The following NAPA variants were observed in gnomAD, a reference collection of about 807,000 sequenced individuals.
The protein encoded by NAPA is alpha-soluble NSF attachment protein.
NAPA carries 18 observed loss-of-function variants against 48.0 expected under a neutral mutation model. The observed-to-expected ratio is 0.38, with a 90% CI of 0.26 to 0.56. The LOEUF (loss-of-function observed/expected upper bound fraction) is 0.56, where lower values mean the gene tolerates loss of function less well. Ranked by LOEUF, NAPA falls within the 20% of genes least tolerant of loss-of-function variation. The pLI is 0.77. For missense variants in NAPA, 315 were observed against 385.0 expected, an observed-to-expected ratio of 0.82 and a Z score of 1.52; for synonymous variants, 152 against 149.9, an observed-to-expected ratio of 1.01 and a Z score of -0.10.
intron 3 of NAPA, among the ~76,000 whole-genome samples, chr19:47,500,198 G>C (rs983257692): frequency 6.6e-6 from 1 of 152,146 alleles, no homozygotes; most frequent in African/African-American, 2.4e-5. Context: ...GCCAGGTTGG[G>C]CTAATTTCCG....
intron 2 of NAPA, among the ~76,000 whole-genome samples, chr19:47,500,961 G>A (rs1968563566): frequency 2.0e-5 from 3 of 152,196 alleles, no homozygotes; most frequent in Admixed American, 1.3e-4. Flanking sequence ...CTGCGCTGAG[G>A]CTCCTGGTGG....
rs1407006302 is a variant in NAPA, at chr19:47,493,400, C to A, written c.420+16G>T. ...GTCCTGGCTGCCAGCCCATGCAGGG[C>A]CCTGCTGCCACTCACCTTCTCGATG... On this transcript the variant is annotated intron_variant, in intron 5 of 10. Transcript: ENST00000263354. The surrounding 1 kb of genome is among the most constrained non-coding windows in gnomAD (Gnocchi z 6.4). The A allele has an allele frequency of 6.2e-7, 1 of 1,613,394 alleles. No individual in the cohort carries two copies. Among genetic ancestry groups the A allele is most frequent in the Non-Finnish European group, 8.5e-7 (1 of 1,179,484 alleles).
chr19:47,492,925 G>A lies in NAPA; in HGVS notation c.561+36C>T, dbSNP rs373925819. ...GGAGGAGGCACAGGCCCTGAGAGGG[G>A]GCAGGGTGGAAGCCGCCATCCCCAC... On this transcript the variant is annotated intron_variant, in intron 7 of 10. Coordinates refer to ENST00000263354, the MANE Select transcript of NAPA (RefSeq NM_003827.4). 3.4e-5 allele frequency: 54 copies of A among 1,604,946 alleles called. 1 individual carries two copies. The African/African-American group carries it at 5.5e-4, about 16-fold the overall frequency.
intron 9 of NAPA, among the ~76,000 whole-genome samples, 161 bp from the exon 10 acceptor site, chr19:47,489,922 G>A (rs1968193205): frequency 6.6e-6 from 1 of 152,190 alleles, no homozygotes; most frequent in Non-Finnish European, 1.5e-5. Context: ...GGATGGGTAC[G>A]GGCGTGTTGC....
rs140602791 is a variant in NAPA at position 47,512,288 on chromosome 19, C to G, written c.98+2555G>C. On this transcript the variant is annotated intron_variant, in intron 1 of 10. Transcript: ENST00000263354. ...TCCCTGCTGCCTAGAGCACCCTCCC[C>G]GGCCCCACTCCCCAGCAAGTCCTGG... Among the ~76,000 whole-genome samples the G allele has an allele frequency of 5.7e-3, 863 of 152,208 alleles. 11 individuals carry two copies. Among genetic ancestry groups the G allele is most frequent in the African/African-American group, 0.02 (819 of 41,512 alleles).
Position 47,495,580 on chromosome 19 carries a change from C to A in NAPA, c.312G>T (p.Leu104Phe). ...KADPQEAINCLMRAIEIYTDM... is the reference protein window; with the variant it reads ...KADPQEAINCFMRAIEIYTDM... The stretch of plus-strand genomic sequence containing the variant: ...CTGTGTAGATCTCGATTGCTCGCAT[C>A]AAACAGTTAATGGCCTCTGGAGAGA... The change falls in exon 4 of 11, where the codon TTG becomes TTT. Residue 104 changes from leucine to phenylalanine, a missense_variant. Physicochemically the swap from Leu to Phe is conservative, Grantham distance 22. Transcript: ENST00000263354. 6.6e-7 allele frequency: 1 copy of A among 1,510,308 alleles called. No individual in the cohort carries two copies. 93.6% of individuals were successfully genotyped at this position (1,510,308 alleles called of 1,614,324 possible). A position where few individuals can be genotyped will look rare whatever the true frequency, so the allele number is the denominator to read the frequency against.
chr19:47,493,630 G>C lies in NAPA; in HGVS notation c.343-137C>G. 1.4e-6 allele frequency: 1 copy of C among 734,416 alleles called. No individual in the cohort carries two copies. The highest frequency in any genetic ancestry group is 2.4e-6 in the Non-Finnish European group (1 of 416,958). The allele number at this position is 734,416 out of a possible 1,614,324, so 45.5% of individuals were successfully genotyped here. A position where few individuals can be genotyped will look rare whatever the true frequency, so the allele number is the denominator to read the frequency against. On this transcript the variant is annotated intron_variant, in intron 4 of 10. Transcript: ENST00000263354. This position sits in a 1 kb window ranked among gnomAD's most constrained non-coding sequence, Gnocchi z 6.4. ...TGAAGAAGACCTGAGGTGTGAAGAA[G>C]ATCGAGAGGTGGGGGAACACAGGAG... is the stretch of plus-strand genomic sequence containing the variant.
rs1164379896 is a variant in NAPA, at chr19:47,515,052, G to C, written c.-112C>G. The C allele has an allele frequency of 2.8e-6, 3 of 1,083,524 alleles. No homozygotes were observed. In the East Asian group the frequency reaches 8.1e-5, roughly 29 times the overall value. The allele number at this position is 1,083,524 out of a possible 1,614,324, so 67.1% of individuals were successfully genotyped here. ...AAACTCGCCCGGCTGCGTTGACGTCGCACCGGCGCGCGTCGCTTGCGGCCA... is the reference window on the plus strand; with the variant it reads ...AAACTCGCCCGGCTGCGTTGACGTCCCACCGGCGCGCGTCGCTTGCGGCCA... On this transcript the variant is annotated 5_prime_UTR_variant, in exon 1 of 11. Transcript: ENST00000263354.
At chr19:47,503,607 C>T in intron 1 of NAPA, 105 bp from the exon 2 acceptor site, 1 of 1,077,484 alleles carries the variant, frequency 9.3e-7, no homozygotes, top group Admixed American at 1.9e-5. Context: ...TACCCCTCAC[C>T]CTTCACCTGT....
At position 47,493,147 on chromosome 19, in the gene NAPA, C is replaced by G; in HGVS notation, c.448G>C (p.Asp150His). 6.2e-7 allele frequency: 1 copy of G among 1,606,348 alleles called. No homozygotes were observed. Among genetic ancestry groups the G allele is most frequent in the Non-Finnish European group, 8.5e-7 (1 of 1,175,296 alleles). ...KAIAHYEQSA[D>H]YYKGEESNSS... is the part of the protein sequence containing the mutation. ...TTGGACTCCTCGCCTTTGTAGTAGT[C>G]TGCAGACTGCTCGTAGTGGGCAATG... Residue 150 changes from aspartate (D) to histidine (H), a missense_variant, in exon 6 of 11, where the codon GAC becomes CAC. Physicochemically the swap from Asp to His is moderately conservative, Grantham distance 81 (BLOSUM62 -1). Coordinates refer to ENST00000263354, the MANE Select transcript of NAPA (RefSeq NM_003827.4). The surrounding 1 kb of genome is among the most constrained non-coding windows in gnomAD (Gnocchi z 6.4).
intron 4 of NAPA, chr19:47,495,163 G>A (rs1968387555): frequency 4.0e-6 from 1 of 249,482 alleles, no homozygotes; most frequent in Non-Finnish European, 7.9e-6. Context: ...CACTACACCA[G>A]GCTAATTTGT....
At chr19:47,495,864 G>T in intron 3 of NAPA, 1 of 476,938 alleles carries the variant, frequency 2.1e-6, no homozygotes, top group Non-Finnish European at 3.8e-6. Flanking sequence ...TCCTCGGGCT[G>T]CCAGGATGCT....
chr19:47,486,450 TTG>T (rs1318237832), downstream of NAPA, among the ~76,000 whole-genome samples: 9 of 152,172 alleles, frequency 5.9e-5, no homozygotes, highest in Non-Finnish European at 2.9e-5. Context: ...ACTTTTATTT[TTG>T]CACCATCATG....
rs757703385 is a variant in NAPA, at chr19:47,514,898, C to A, written c.43G>T (p.Ala15Ser). 1 of 1,613,920 alleles carries A rather than the reference C, an allele frequency of 6.2e-7. No individual in the cohort carries two copies. The highest frequency in any genetic ancestry group is 8.5e-7 in the Non-Finnish European group (1 of 1,180,012). The stretch of plus-strand genomic sequence containing the variant: ...TTCTTCACTTTGCGCTCCGCCTCGG[C>A]CAACAGCGCCATCGCCTCCGCTTCC... ...GKEAEAMALL[A>S]EAERKVKNSQ... Residue 15 changes from alanine (A) to serine (S), a missense_variant, in exon 1 of 11, where the codon GCC becomes TCC. By Grantham distance (99) the Ala-to-Ser change is moderately conservative. Coordinates refer to ENST00000263354, the MANE Select transcript of NAPA (RefSeq NM_003827.4).
intron 1 of NAPA, among the ~76,000 whole-genome samples, chr19:47,511,287 G>A (rs1968800484): frequency 6.6e-6 from 1 of 152,122 alleles, no homozygotes; most frequent in African/African-American, 2.4e-5. Context: ...AGTGATTCCC[G>A]CCCGCCAAGC....
chr19:47,488,540 C>T (rs1001865542), intron 10 of NAPA, 151 bp from the exon 11 acceptor site: 4 of 548,174 alleles, frequency 7.3e-6, no homozygotes, highest in African/African-American at 1.9e-5. Context: ...CCCAACTCAG[C>T]CATGGGAGCT....
intron 1 of NAPA, among the ~76,000 whole-genome samples, chr19:47,503,918 C>G (rs554896725): frequency 6.6e-6 from 1 of 152,326 alleles, no homozygotes; most frequent in East Asian, 1.9e-4. Context: ...GTGTTGCTTT[C>G]GCAGAGGCAG....
downstream of NAPA, among the ~76,000 whole-genome samples, chr19:47,486,695 C>T (rs1185659052): frequency 1.3e-5 from 2 of 152,336 alleles, no homozygotes; most frequent in South Asian, 4.1e-4. Flanking sequence ...CTCACACTAT[C>T]CTTCAGCCAG....
At chr19:47,503,964 A>G (rs969908235) in intron 1 of NAPA, among the ~76,000 whole-genome samples, 3 of 152,228 alleles carry the variant, frequency 2.0e-5, no homozygotes, top group African/African-American at 7.2e-5. Flanking sequence ...TGGTTGCTCA[A>G]TAAAGACCTT....
Sources: allele counts gnomAD v4.1 joint callset (sites outside exome capture counted in the v4.1 genomes callset), GRCh38; gene constraint gnomAD v4.1.1; non-coding constraint Gnocchi (gnomAD v3.1); transcripts MANE v1.5; gene names NCBI Gene and HGNC (gene_info 2026-07-23, HGNC 2026-07-21).